The following ANKRD30BL variants were observed in gnomAD, a reference collection of about 807,000 sequenced individuals.
ANKRD30BL encodes ankyrin repeat domain 30B like.
A neutral mutation model predicts 18.4 loss-of-function variants in ANKRD30BL; 20 were observed. That is an observed-to-expected ratio of 1.09 (90% CI 0.77 to 1.58). The LOEUF is 1.58. Ranked by LOEUF, ANKRD30BL falls within the 40% of genes most tolerant of loss-of-function variation. The pLI is 0.00. For synonymous variants in ANKRD30BL, 72 were observed against 100.9 expected, an observed-to-expected ratio of 0.71 and a Z score of 1.72; for missense variants, 224 against 268.6, an observed-to-expected ratio of 0.83 and a Z score of 1.16.
intron 1 of ANKRD30BL, among the ~76,000 whole-genome samples, chr2:132,191,938 G>A (rs1455697722): frequency 1.3e-5 from 2 of 151,826 alleles, no homozygotes; most frequent in East Asian, 3.9e-4. Flanking sequence ...TAGAGACGGG[G>A]TTTCACCGTG....
chr2:132,249,023 G>T (rs1573894077), intron 1 of ANKRD30BL, among the ~76,000 whole-genome samples: 1 of 152,030 alleles, frequency 6.6e-6, no homozygotes, highest in African/African-American at 2.4e-5. Context: ...CAAGAAAAGA[G>T]TTTCCCATCT....
chr2:132,247,490 T>C (rs1680535841), intron 1 of ANKRD30BL, among the ~76,000 whole-genome samples: 5 of 151,772 alleles, frequency 3.3e-5, no homozygotes, highest in Non-Finnish European at 5.9e-5. Context: ...AAGGATTGTT[T>C]CCAAACAGCT....
intron 1 of ANKRD30BL, among the ~76,000 whole-genome samples, chr2:132,242,139 T>C (rs1346207287): frequency 6.6e-6 from 1 of 151,660 alleles, no homozygotes; most frequent in Non-Finnish European, 1.5e-5. Context: ...ACTCTTCTTG[T>C]AGAATTTACA....
chr2:132,209,759 A>G (rs1423615666), intron 1 of ANKRD30BL, among the ~76,000 whole-genome samples: 1 of 151,372 alleles, frequency 6.6e-6, no homozygotes, highest in Non-Finnish European at 1.5e-5. Flanking sequence ...ATAGTTGAAG[A>G]TTTCTTTTGA....
chr2:132,209,720 G>C (rs1406610412), intron 1 of ANKRD30BL, among the ~76,000 whole-genome samples: 2 of 150,962 alleles, frequency 1.3e-5, no homozygotes, highest in South Asian at 2.1e-4. Context: ...TTCTGAGAAA[G>C]TTCTTTGTGA....
At chr2:132,171,050 G>C (rs1296539064) in intron 1 of ANKRD30BL, among the ~76,000 whole-genome samples, 1 of 151,914 alleles carries the variant, frequency 6.6e-6, no homozygotes, top group Non-Finnish European at 1.5e-5. Flanking sequence ...CAGCTACTCC[G>C]GAGGCTGAGG....
chr2:132,235,941 C>A (rs982285188), intron 1 of ANKRD30BL, among the ~76,000 whole-genome samples: 6 of 152,140 alleles, frequency 3.9e-5, no homozygotes, highest in Non-Finnish European at 8.8e-5. Flanking sequence ...TCAAACTATA[C>A]TGCAAAGCTA....
In ANKRD30BL at chr2:132,214,071, AT is replaced by A. The variant is rs1394256899; in HGVS notation, n.441+43457del. On this transcript the variant is annotated intron_variant and non_coding_transcript_variant, in intron 1 of 4. Transcript: ENST00000470729. Reference sequence around the variant, plus strand: ...CTCATAGAGTTGAACATTTCTTTTGATTGAGCAGCTTTGAAACACTCTTTTT... The same window carrying A: ...CTCATAGAGTTGAACATTTCTTTTGATGAGCAGCTTTGAAACACTCTTTTT... 2.1e-4 allele frequency among the ~76,000 whole-genome samples: 32 copies of A among 152,266 alleles called. 1 individual carries two copies. Among genetic ancestry groups the A allele is most frequent in the African/African-American group, 7.7e-4 (32 of 41,592 alleles).
intron 3 of ANKRD30BL, chr2:132,155,267 G>T (rs1433135867): frequency 2.0e-5 from 3 of 152,136 alleles, no homozygotes; most frequent in Non-Finnish European, 4.4e-5. Flanking sequence ...CATTATTCAA[G>T]AAATGAATTG....
intron 1 of ANKRD30BL, among the ~76,000 whole-genome samples, chr2:132,215,264 T>A (rs1198874505): frequency 6.6e-6 from 1 of 152,268 alleles, no homozygotes; most frequent in Non-Finnish European, 1.5e-5. Flanking sequence ...ACATTTCTTT[T>A]GATTGAGCAG....
chr2:132,220,046 T>C (rs376475278), intron 1 of ANKRD30BL, among the ~76,000 whole-genome samples: 170 of 142,550 alleles, frequency 1.2e-3, no homozygotes, highest in East Asian at 6.1e-3. Flanking sequence ...TTTGTGATGT[T>C]TGCATTCAAC....
rs377177244 is a variant in ANKRD30BL at position 132,153,268 on chromosome 2, A to G, written c.614+1394T>C. Among the ~76,000 whole-genome samples, 17 of 152,358 alleles carry G rather than the reference A, an allele frequency of 1.1e-4. No homozygotes were observed. In the East Asian group the frequency reaches 3.3e-3, roughly 29 times the overall value. On this transcript the variant is annotated intron_variant, in intron 4 of 5. Coordinates refer to ENST00000409867, the MANE Select transcript of ANKRD30BL (RefSeq NM_001358416.1). ...TGGAAGACAGCCCCCTGGGGACATT[A>G]TCAGGTTTTCTGCTTAAAGTGGACT...
chr2:132,198,098 A>G (rs992422749), intron 1 of ANKRD30BL, among the ~76,000 whole-genome samples: 5 of 152,026 alleles, frequency 3.3e-5, no homozygotes, highest in African/African-American at 1.2e-4. Context: ...ATACTAATGT[A>G]GTCATTTCTG....
At chr2:132,177,629 T>A (rs1314351108) in intron 1 of ANKRD30BL, among the ~76,000 whole-genome samples, 1 of 152,176 alleles carries the variant, frequency 6.6e-6, no homozygotes, top group Admixed American at 6.5e-5. Context: ...TCCCTAGTGA[T>A]TAAAGAATTT....
intron 1 of ANKRD30BL, among the ~76,000 whole-genome samples, chr2:132,231,086 A>G (rs1324713628): frequency 6.6e-6 from 1 of 152,040 alleles, no homozygotes; most frequent in East Asian, 1.9e-4. Context: ...CAGGTTTGAA[A>G]CACTTTTTGT....
chr2:132,226,559 C>A (rs1000223895), intron 1 of ANKRD30BL, among the ~76,000 whole-genome samples: 2 of 151,078 alleles, frequency 1.3e-5, no homozygotes, highest in African/African-American at 4.9e-5. Context: ...TGTGAGAAAC[C>A]TCTTTGTGAT....
chr2:132,195,545 C>T (rs1164508707), intron 1 of ANKRD30BL, among the ~76,000 whole-genome samples: 1 of 151,788 alleles, frequency 6.6e-6, no homozygotes, highest in African/African-American at 2.4e-5. Flanking sequence ...AATCCCAGCA[C>T]CTTGGGAGGC....
Position 132,244,742 on chromosome 2 carries a change from T to A in ANKRD30BL, n.441+12787A>T, listed in dbSNP as rs376608283. 4.6e-5 allele frequency among the ~76,000 whole-genome samples: 7 copies of A among 152,322 alleles called. No homozygotes were observed. The East Asian group carries it at 1.4e-3, about 29-fold the overall frequency. The stretch of plus-strand genomic sequence containing the variant: ...TATTTGGATAGCTTTGAGGATTTTG[T>A]TGCAGACGTGAATACCTTCACATAA... On this transcript the variant is annotated intron_variant and non_coding_transcript_variant, in intron 1 of 4. Coordinates refer to the ANKRD30BL transcript ENST00000470729.
At chr2:132,204,286 ATGAT>A (rs1413465818) in intron 1 of ANKRD30BL, among the ~76,000 whole-genome samples, 1 of 151,774 alleles carries the variant, frequency 6.6e-6, no homozygotes, top group African/African-American at 2.4e-5. Flanking sequence ...AAAATGTTAA[ATGAT>A]TGAGGAGAAT....
Sources: allele counts gnomAD v4.1 joint callset (sites outside exome capture counted in the v4.1 genomes callset), GRCh38; gene constraint gnomAD v4.1.1; transcripts MANE v1.5; gene names NCBI Gene and HGNC (gene_info 2026-07-23, HGNC 2026-07-21).